The following CDC42EP3 variants were observed in gnomAD, a reference collection of about 807,000 sequenced individuals.
CDC42EP3 encodes CDC42 effector protein (Rho GTPase binding) 3.
CDC42EP3 carries 4 observed loss-of-function variants against 15.5 expected under a neutral mutation model. The ratio of observed to expected loss-of-function variants is 0.26; its 90% CI spans 0.13 to 0.59. CDC42EP3 has a LOEUF of 0.59. Ranked by LOEUF, CDC42EP3 falls within the 20% of genes least tolerant of loss-of-function variation. The pLI, the probability that CDC42EP3 is intolerant of heterozygous loss-of-function variation, is 0.89. For synonymous variants in CDC42EP3, 145 were observed against 130.3 expected (o/e 1.11, Z -0.77); for missense variants, 309 against 311.2 (o/e 0.99, Z 0.05).
Position 37,653,189 on chromosome 2 carries a change from A to AG in CDC42EP3, c.-235-6368dup, listed in dbSNP as rs1272560541. Reference sequence around the variant, plus strand: ...AACAAAAGGGTCCAGCTTGCCAGTCAGTCATGTGGCAGGTCAGAGAGAACA... The same window carrying AG: ...AACAAAAGGGTCCAGCTTGCCAGTCAGGTCATGTGGCAGGTCAGAGAGAACA... On this transcript the variant is annotated intron_variant, in intron 1 of 1. Coordinates refer to ENST00000295324, the MANE Select transcript of CDC42EP3 (RefSeq NM_006449.5). 1.3e-4 allele frequency among the ~76,000 whole-genome samples: 20 copies of AG among 152,332 alleles called. No individual in the cohort carries two copies. The East Asian group carries it at 3.9e-3, about 29-fold the overall frequency.
intron 1 of CDC42EP3, among the ~76,000 whole-genome samples, chr2:37,657,001 C>CCCCCCCCCCCG (rs1208218676): frequency 3.9e-5 from 4 of 103,278 alleles, no homozygotes; most frequent in East Asian, 5.3e-4. Context: ...CCCCCCGCCC[C>CCCCCCCCCCCG]CCGCCATCCT....
chr2:37,672,840 C>G (rs948216378), upstream of CDC42EP3, among the ~76,000 whole-genome samples: 1 of 152,154 alleles, frequency 6.6e-6, no homozygotes, highest in Admixed American at 6.5e-5. Context: ...TTGGCTTTGC[C>G]GAGAGATATC....
At chr2:37,671,675 C>T (rs954351677), upstream of CDC42EP3, 11 of 150,568 alleles carry the variant, frequency 7.3e-5, no homozygotes, top group Non-Finnish European at 1.5e-4. Flanking sequence ...AGGACTGAAC[C>T]TGCGGAGGGC....
At position 37,642,498 on chromosome 2, in the gene CDC42EP3, A is replaced by G. The variant is rs1013684486; in HGVS notation, c.*3325T>C. On this transcript the variant is annotated 3_prime_UTR_variant, in exon 2 of 2. Coordinates refer to ENST00000295324, the MANE Select transcript of CDC42EP3 (RefSeq NM_006449.5). ...TCTGGGAGGCTAATTCTAAAATCGGATTTTATGAGAATTGCTAGATTTGGG... is the reference window on the plus strand; with the variant it reads ...TCTGGGAGGCTAATTCTAAAATCGGGTTTTATGAGAATTGCTAGATTTGGG... The G allele has an allele frequency of 1.3e-5, 2 of 152,216 alleles. No homozygotes were observed. The highest frequency in any genetic ancestry group is 4.8e-5 in the African/African-American group (2 of 41,444). 9.4% of individuals were successfully genotyped at this position (152,216 alleles called of 1,614,324 possible).
chr2:37,670,201 C>T (rs1287520897), intron 1 of CDC42EP3, among the ~76,000 whole-genome samples: 1 of 151,202 alleles, frequency 6.6e-6, no homozygotes, highest in African/African-American at 2.5e-5. Context: ...AACAGGAAGT[C>T]CCTAAAACTG....
rs1394488009 is a variant in CDC42EP3, at chr2:37,644,938, A to G, written c.*885T>C. 1.3e-5 allele frequency: 2 copies of G among 152,264 alleles called. No individual in the cohort carries two copies. Among genetic ancestry groups the G allele is most frequent in the Admixed American group, 1.3e-4 (2 of 15,292 alleles). The allele number at this position is 152,264 out of a possible 1,614,324, so 9.4% of individuals were successfully genotyped here. A position where few individuals can be genotyped will look rare whatever the true frequency, so the allele number is the denominator to read the frequency against. Reference sequence around the variant, plus strand: ...TATTTCCAAATAACATATGTGGTGTAGCCCACAGTCTCTGCAGAAGCATCA... The same window carrying G: ...TATTTCCAAATAACATATGTGGTGTGGCCCACAGTCTCTGCAGAAGCATCA... On this transcript the variant is annotated 3_prime_UTR_variant, in exon 2 of 2. Transcript: ENST00000295324.
Position 37,646,451 on chromosome 2 carries a change from T to C in CDC42EP3, c.137A>G (p.Lys46Arg), listed in dbSNP as rs759415213. 3 of 1,614,192 alleles carry C rather than the reference T, an allele frequency of 1.9e-6. No homozygotes were observed. The highest frequency in any genetic ancestry group is 1.7e-5 in the Admixed American group (1 of 60,028). The change falls in exon 2 of 2, where the codon AAA becomes AGA. Residue 46 changes from lysine (K) to arginine (R), a missense_variant. Physicochemically the swap from Lys to Arg is conservative, Grantham distance 26. Coordinates refer to ENST00000295324, the MANE Select transcript of CDC42EP3 (RefSeq NM_006449.5). Reference sequence around the variant, plus strand: ...TCCAAAGACATCGTGCTGGCCCTCTTTGCCAATGTGGATGGTGTGGCGAAA... The same window carrying C: ...TCCAAAGACATCGTGCTGGCCCTCTCTGCCAATGTGGATGGTGTGGCGAAA... ...GDFRHTIHIG[K>R]EGQHDVFGDI... is the part of the protein sequence containing the mutation.
chr2:37,649,277 C>G (rs940936450), intron 1 of CDC42EP3, among the ~76,000 whole-genome samples: 3 of 151,416 alleles, frequency 2.0e-5, no homozygotes, highest in Non-Finnish European at 4.4e-5. Flanking sequence ...ATAATGGGAC[C>G]TCATCTCTAC....
Position 37,642,437 on chromosome 2 carries a change from T to C in CDC42EP3, c.*3386A>G, listed in dbSNP as rs1665298450. ...GCTGTCTAGTGGGTGGCTTACTGAC[T>C]TGCCTAAGAAAAAATAAGTCAATCA... On this transcript the variant is annotated 3_prime_UTR_variant, in exon 2 of 2. Coordinates refer to ENST00000295324, the MANE Select transcript of CDC42EP3 (RefSeq NM_006449.5). 1 of 152,190 alleles carries C rather than the reference T, an allele frequency of 6.6e-6. No individual in the cohort carries two copies. The highest frequency in any genetic ancestry group is 2.4e-5 in the African/African-American group (1 of 41,446). 9.4% of individuals were successfully genotyped at this position (152,190 alleles called of 1,614,324 possible). A position where few individuals can be genotyped will look rare whatever the true frequency, so the allele number is the denominator to read the frequency against.
chr2:37,663,248 A>AT (rs1235785263), intron 1 of CDC42EP3, among the ~76,000 whole-genome samples: 1 of 152,236 alleles, frequency 6.6e-6, no homozygotes, highest in Non-Finnish European at 1.5e-5. Context: ...CTGGTCCCTC[A>AT]TGTGTTCAAC....
Position 37,644,651 on chromosome 2 carries a change from CAT to C in CDC42EP3, c.*1170_*1171del, listed in dbSNP as rs1665385378. ...AAAAAAAAAAAAAAATCTGACCTCA[CAT>C]GTTCATTTTTCCAAAAGTAGAGAGG... On this transcript the variant is annotated 3_prime_UTR_variant, in exon 2 of 2. Transcript: ENST00000295324. 1 of 150,668 alleles carries C rather than the reference CAT, an allele frequency of 6.6e-6. No individual in the cohort carries two copies. Among genetic ancestry groups the C allele is most frequent in the Non-Finnish European group, 1.5e-5 (1 of 67,802 alleles). 9.3% of individuals were successfully genotyped at this position (150,668 alleles called of 1,614,324 possible).
chr2:37,666,432 G>A (rs1370927445), intron 1 of CDC42EP3, among the ~76,000 whole-genome samples: 1 of 152,222 alleles, frequency 6.6e-6, no homozygotes, highest in East Asian at 1.9e-4. Flanking sequence ...AATTGCAGGT[G>A]TGTGATCTCT....
intron 1 of CDC42EP3, among the ~76,000 whole-genome samples, chr2:37,652,387 G>A (rs1005696181): frequency 6.6e-6 from 1 of 152,044 alleles, no homozygotes; most frequent in Non-Finnish European, 1.5e-5. Flanking sequence ...TTACAGGCCG[G>A]AAGCGAATTA....
At chr2:37,657,001 C>CCTCCG (rs1553317252) in intron 1 of CDC42EP3, among the ~76,000 whole-genome samples, 1 of 103,212 alleles carries the variant, frequency 9.7e-6, no homozygotes, top group Non-Finnish European at 1.8e-5. Flanking sequence ...CCCCCCGCCC[C>CCTCCG]CCGCCATCCT....
chr2:37,661,247 G>A (rs1666048764), intron 1 of CDC42EP3, among the ~76,000 whole-genome samples: 1 of 152,084 alleles, frequency 6.6e-6, no homozygotes, highest in African/African-American at 2.4e-5. Flanking sequence ...AAAGGTCTGG[G>A]TTTTGAACAC....
intron 1 of CDC42EP3, among the ~76,000 whole-genome samples, chr2:37,668,979 T>A (rs1340228585): frequency 6.6e-6 from 1 of 152,144 alleles, no homozygotes; most frequent in Non-Finnish European, 1.5e-5. Context: ...CTGGCAAACA[T>A]ACTGCATTTA....
rs146793464 is a variant in CDC42EP3, at chr2:37,657,693, C to T, written c.-235-10871G>A. 2.6e-3 allele frequency among the ~76,000 whole-genome samples: 392 copies of T among 152,306 alleles called. 1 individual carries two copies. Among genetic ancestry groups the T allele is most frequent in the African/African-American group, 8.9e-3 (369 of 41,568 alleles). ...AAGTTTTATTAGAACACACCTATGCCTATTCATTTATGTACTGTCTACAGC... is the reference window on the plus strand; with the variant it reads ...AAGTTTTATTAGAACACACCTATGCTTATTCATTTATGTACTGTCTACAGC... On this transcript the variant is annotated intron_variant, in intron 1 of 1. Transcript: ENST00000295324.
intron 1 of CDC42EP3, among the ~76,000 whole-genome samples, chr2:37,652,385 C>T (rs868241221): frequency 2.0e-5 from 3 of 151,888 alleles, no homozygotes; most frequent in South Asian, 2.1e-4. Flanking sequence ...GCTTACAGGC[C>T]GGAAGCGAAT....
rs1665419770 is a variant in CDC42EP3 at position 37,645,447 on chromosome 2, A to C, written c.*376T>G. 6.1e-6 allele frequency: 1 copy of C among 163,084 alleles called. No homozygotes were observed. Among genetic ancestry groups the C allele is most frequent in the Non-Finnish European group, 1.3e-5 (1 of 75,508 alleles). 10.1% of individuals were successfully genotyped at this position (163,084 alleles called of 1,614,324 possible). A position where few individuals can be genotyped will look rare whatever the true frequency, so the allele number is the denominator to read the frequency against. On this transcript the variant is annotated 3_prime_UTR_variant, in exon 2 of 2. Coordinates refer to ENST00000295324, the MANE Select transcript of CDC42EP3 (RefSeq NM_006449.5). ...AATAAATTTTGACTTCCTCTTGCTCAGAAAATGTCGGAGTGCTATAAAGTT... is the reference window on the plus strand; with the variant it reads ...AATAAATTTTGACTTCCTCTTGCTCCGAAAATGTCGGAGTGCTATAAAGTT...
Sources: gnomAD v4.1 joint callset for allele counts (sites outside exome capture counted in the v4.1 genomes callset) on GRCh38, gnomAD v4.1.1 for gene constraint, MANE v1.5 for transcripts, NCBI Gene and HGNC (gene_info 2026-07-23, HGNC 2026-07-21) for gene names.